The following SCG3 variants were observed in gnomAD, a reference collection of about 807,000 sequenced individuals.
The protein encoded by SCG3 is secretogranin-3.
SCG3 carries 38 observed loss-of-function variants against 56.2 expected under a neutral mutation model. That is an observed-to-expected ratio of 0.68 (90% CI 0.52 to 0.89). The LOEUF (loss-of-function observed/expected upper bound fraction) is 0.89. Ranked by LOEUF, SCG3 falls within the 40% of genes least tolerant of loss-of-function variation. SCG3 has a pLI of 0.00. For missense variants in SCG3, 524 were observed against 540.7 expected (o/e 0.97, Z 0.31); for synonymous variants, 176 against 184.2 (o/e 0.96, Z 0.36).
intron 4 of SCG3, among the ~76,000 whole-genome samples, chr15:51,687,322 T>C (rs1212305939): frequency 6.6e-6 from 1 of 152,210 alleles, no homozygotes; most frequent in Non-Finnish European, 1.5e-5. Context: ...TTCTGATCTT[T>C]CCAATCTTTC....
At chr15:51,693,307 T>C (rs537635879) in intron 7 of SCG3, 4 of 152,256 alleles carry the variant, frequency 2.6e-5, no homozygotes, top group Non-Finnish European at 5.9e-5. Context: ...TTTATATTAT[T>C]CAAGAGATCT....
intron 10 of SCG3, among the ~76,000 whole-genome samples, chr15:51,709,662 CATATATATATATATATAT>C (rs148744249): frequency 0.015 from 420 of 28,358 alleles, 4 homozygotes; most frequent in South Asian, 0.025. Context: ...AAATCTATGC[CATATATATATATATATAT>C]ATATATATAT....
intron 11 of SCG3, 133 bp from the exon 12 acceptor site, chr15:51,719,275 A>AAGAAT: frequency 3.0e-6 from 2 of 657,158 alleles, no homozygotes; most frequent in South Asian, 3.8e-5. Context: ...AAGAATTAAA[A>AAGAAT]TGCCTCCCGA....
chr15:51,700,576 A>G (rs558786099), intron 9 of SCG3, among the ~76,000 whole-genome samples: 16 of 152,316 alleles, frequency 1.1e-4, no homozygotes, highest in African/African-American at 3.8e-4. Context: ...GAGTGTGAAG[A>G]AAGGAGCAGA....
chr15:51,689,451 A>C (rs1217031937), intron 6 of SCG3, 83 bp downstream of exon 6: 28 of 1,441,440 alleles, frequency 1.9e-5, no homozygotes, highest in Non-Finnish European at 2.5e-5. Flanking sequence ...CTGTATAATA[A>C]TTGCCTTACT....
Position 51,688,306 on chromosome 15 carries a change from T to C in SCG3, c.444T>C (p.Ala148=). The part of the protein sequence containing the change: ...LHQLDGTPLT[A]EDIVHKIAAR... ...AACTAGACGGGACTCCTTTAACCGCTGAAGACATTGTCCATAAAATCGCTG... is the reference window on the plus strand; with the variant it reads ...AACTAGACGGGACTCCTTTAACCGCCGAAGACATTGTCCATAAAATCGCTG... Residue 148 remains alanine, a synonymous_variant, in exon 5 of 12, where the codon GCT becomes GCC. Coordinates refer to ENST00000220478, the MANE Select transcript of SCG3 (RefSeq NM_013243.4). 1 of 1,613,906 alleles carries C rather than the reference T, an allele frequency of 6.2e-7. No homozygotes were observed. The highest frequency in any genetic ancestry group is 8.5e-7 in the Non-Finnish European group (1 of 1,179,814).
At chr15:51,711,939 G>C (rs1380363594) in intron 10 of SCG3, among the ~76,000 whole-genome samples, 1 of 152,150 alleles carries the variant, frequency 6.6e-6, no homozygotes, top group Non-Finnish European at 1.5e-5. Flanking sequence ...TGCTCAGAGA[G>C]TCACTTAGGT....
intron 10 of SCG3, 60 bp downstream of exon 10, chr15:51,701,304 A>C: frequency 6.7e-7 from 1 of 1,500,116 alleles, no homozygotes; most frequent in East Asian, 2.3e-5. Flanking sequence ...CTTTCACCAC[A>C]CAAGGGAGGG....
chr15:51,709,713 T>TAA (rs1286218925), intron 10 of SCG3, among the ~76,000 whole-genome samples: 55 of 41,876 alleles, frequency 1.3e-3, no homozygotes, highest in Non-Finnish European at 2.4e-3. Flanking sequence ...TTTTTTTTTT[T>TAA]TTTTTTTTTT....
rs750419638 is a variant in SCG3, at chr15:51,689,239, T to C, written c.561T>C (p.His187=). The stretch of plus-strand genomic sequence containing the variant: ...GATAGATCACAGAAAGCCAAGCACA[T>C]ACACTGGAAGATGAAGTAGCAGAGG... ...NLGLITESQA[H]TLEDEVAEVL... Residue 187 remains histidine (H), a synonymous_variant, in exon 6 of 12, where the codon CAT becomes CAC. Coordinates refer to ENST00000220478, the MANE Select transcript of SCG3 (RefSeq NM_013243.4). 5 of 1,613,842 alleles carry C rather than the reference T, an allele frequency of 3.1e-6. No individual in the cohort carries two copies. The highest frequency in any genetic ancestry group is 2.2e-5 in the East Asian group (1 of 44,888).
chr15:51,695,015 A>G (rs2055293612), intron 7 of SCG3, among the ~76,000 whole-genome samples: 1 of 150,590 alleles, frequency 6.6e-6, no homozygotes, highest in Non-Finnish European at 1.5e-5. Context: ...TGGGTGACAG[A>G]GTGAGACTCT....
In SCG3 at chr15:51,683,105, T is replaced by TA. The variant is rs748183727; in HGVS notation, c.169dup (p.Thr57AsnfsTer17). ...TTGCTGAAGCAGAAGAAGACAAGAT[T>TA]AAAAAAACATATCCTCCAGGTAAAA... On this transcript the variant is annotated frameshift_variant, in exon 3 of 12. Coordinates refer to ENST00000220478, the MANE Select transcript of SCG3 (RefSeq NM_013243.4). LOFTEE classifies it high-confidence loss of function. The TA allele has an allele frequency of 1.2e-6, 2 of 1,609,698 alleles. No homozygotes were observed. The highest frequency in any genetic ancestry group is 1.7e-6 in the Non-Finnish European group (2 of 1,178,316).
chr15:51,713,641 A>G (rs1467050157), intron 11 of SCG3, among the ~76,000 whole-genome samples: 1 of 152,216 alleles, frequency 6.6e-6, no homozygotes, highest in Non-Finnish European at 1.5e-5. Flanking sequence ...TTTTATTAGG[A>G]AAAATGTCAA....
chr15:51,688,177 C>G lies in SCG3; in HGVS notation c.398-83C>G, dbSNP rs144644978. On this transcript the variant is annotated intron_variant, in intron 4 of 11. Coordinates refer to ENST00000220478, the MANE Select transcript of SCG3 (RefSeq NM_013243.4). ...TCAAACATATCTGAATATACAAAAGCGAAGTACAGATTATAAGTATAATAT... is the reference window on the plus strand; with the variant it reads ...TCAAACATATCTGAATATACAAAAGGGAAGTACAGATTATAAGTATAATAT... 64 of 1,287,200 alleles carry G rather than the reference C, an allele frequency of 5.0e-5. No individual in the cohort carries two copies. In the African/African-American group the frequency reaches 6.9e-4, roughly 14 times the overall value. 79.7% of individuals were successfully genotyped at this position (1,287,200 alleles called of 1,614,324 possible).
chr15:51,681,750 G>A lies in SCG3; in HGVS notation c.-6G>A. 6.2e-7 allele frequency: 1 copy of A among 1,613,436 alleles called. No homozygotes were observed. Among genetic ancestry groups the A allele is most frequent in the Non-Finnish European group, 8.5e-7 (1 of 1,179,536 alleles). ...CCGGGCTGTGACCCAAGCCGAGCGT[G>A]GAAGAATGGGGTTCCTCGGGACCGG... On this transcript the variant is annotated 5_prime_UTR_variant, in exon 1 of 12. Transcript: ENST00000220478.
chr15:51,691,402 G>A (rs1260406957), intron 6 of SCG3, among the ~76,000 whole-genome samples: 2 of 152,168 alleles, frequency 1.3e-5, no homozygotes, highest in South Asian at 2.1e-4. Flanking sequence ...ATGTGGAAAC[G>A]CAGTATTGGG....
intron 6 of SCG3, among the ~76,000 whole-genome samples, chr15:51,690,422 T>C (rs991561940): frequency 3.3e-5 from 5 of 152,152 alleles, no homozygotes; most frequent in Admixed American, 6.5e-5. Context: ...CCCAGACCCA[T>C]GGCTCCTCAT....
chr15:51,690,191 G>T (rs1294111353), intron 6 of SCG3, among the ~76,000 whole-genome samples: 1 of 152,088 alleles, frequency 6.6e-6, no homozygotes, highest in East Asian at 1.9e-4. Flanking sequence ...TCTTCCACCT[G>T]CTCCTTCCCC....
chr15:51,697,062 A>G (rs1320180285), intron 8 of SCG3, among the ~76,000 whole-genome samples: 1 of 152,168 alleles, frequency 6.6e-6, no homozygotes, highest in East Asian at 1.9e-4. Flanking sequence ...AATCCTAAAA[A>G]GAAAGTGAAA....
Sources: gnomAD v4.1 joint callset for allele counts (sites outside exome capture counted in the v4.1 genomes callset) on GRCh38, gnomAD v4.1.1 for gene constraint, MANE v1.5 for transcripts, NCBI Gene and HGNC (gene_info 2026-07-23, HGNC 2026-07-21) for gene names.